The following ASTN2 variants were observed in gnomAD, a reference collection of about 807,000 sequenced individuals.
ASTN2 encodes the protein astrotactin-2.
Under a neutral mutation model 139.8 loss-of-function variants are expected in ASTN2, and 54 were observed. The observed-to-expected ratio is 0.39, with a 90% confidence interval of 0.31 to 0.48. ASTN2 has a LOEUF of 0.48. Ranked by LOEUF, ASTN2 falls within the 20% of genes least tolerant of loss-of-function variation. The probability of loss-of-function intolerance (pLI) is 0.95; values close to 1 mark genes in which losing one functional copy is unlikely to be tolerated. For synonymous variants in ASTN2, 756 were observed against 719.5 expected, an observed-to-expected ratio of 1.05 and a Z score of -0.81; for missense variants, 1,565 against 1,725.1, an observed-to-expected ratio of 0.91 and a Z score of 1.64.
chr9:116,494,990 GCTC>G (rs1849625772), intron 19 of ASTN2, among the ~76,000 whole-genome samples: 1 of 152,160 alleles, frequency 6.6e-6, no homozygotes, highest in Non-Finnish European at 1.5e-5. Flanking sequence ...GCCTGGATCT[GCTC>G]CTATTTACTC....
At chr9:117,342,471 T>C (rs1797699283) in intron 1 of ASTN2, among the ~76,000 whole-genome samples, 1 of 152,216 alleles carries the variant, frequency 6.6e-6, no homozygotes, top group African/African-American at 2.4e-5. Flanking sequence ...TTTCCCAAAG[T>C]GAGTCCTGCC....
At chr9:117,026,176 G>T (rs1838074159) in intron 6 of ASTN2, among the ~76,000 whole-genome samples, 1 of 151,984 alleles carries the variant, frequency 6.6e-6, no homozygotes, top group African/African-American at 2.4e-5. Flanking sequence ...ACATCGGGAT[G>T]CTGGTGCTTC....
At chr9:116,428,108 C>T (rs941572320) in intron 22 of ASTN2, among the ~76,000 whole-genome samples, 8 of 152,276 alleles carry the variant, frequency 5.3e-5, no homozygotes, top group East Asian at 3.9e-4. Flanking sequence ...AAAGAAGTCA[C>T]GAGAGCTGTG....
chr9:116,861,514 G>A (rs1425336023), intron 11 of ASTN2, among the ~76,000 whole-genome samples: 1 of 152,142 alleles, frequency 6.6e-6, no homozygotes, highest in Non-Finnish European at 1.5e-5. Context: ...TATATGAAGG[G>A]TTAGGTTTCA....
In ASTN2 at chr9:117,110,004, C is replaced by A. The variant is rs4838205; in HGVS notation, c.1169-13853G>T. On this transcript the variant is annotated intron_variant, in intron 4 of 22. Coordinates refer to ENST00000313400, the MANE Select transcript of ASTN2 (RefSeq NM_001365068.1). ...ATTTTTCAGAATCTTCTCTGAAATA[C>A]GCCTATTTCACGTTGGAATCTGCTG... Among the ~76,000 whole-genome samples, 647 of 152,126 alleles carry A rather than the reference C, an allele frequency of 4.3e-3. 6 individuals carry two copies. The highest frequency in any genetic ancestry group is 0.015 in the African/African-American group (621 of 41,504).
chr9:117,084,311 A>C (rs1828506098), intron 5 of ASTN2, among the ~76,000 whole-genome samples: 1 of 152,192 alleles, frequency 6.6e-6, no homozygotes, highest in Non-Finnish European at 1.5e-5. Context: ...AGCCTGTATA[A>C]ACTACCAGAA....
chr9:117,254,579 G>C (rs1296442324), intron 2 of ASTN2, among the ~76,000 whole-genome samples: 1 of 152,044 alleles, frequency 6.6e-6, no homozygotes, highest in Admixed American at 6.5e-5. Flanking sequence ...AATAAAACAG[G>C]GGCACAGTTG....
At chr9:116,702,312 T>C (rs1370473844) in intron 16 of ASTN2, among the ~76,000 whole-genome samples, 1 of 152,066 alleles carries the variant, frequency 6.6e-6, no homozygotes, top group Non-Finnish European at 1.5e-5. Context: ...AAAGAGCACC[T>C]GATGGTGGGA....
At chr9:116,458,874 C>T (rs935552763) in intron 20 of ASTN2, among the ~76,000 whole-genome samples, 9 of 151,860 alleles carry the variant, frequency 5.9e-5, no homozygotes, top group Admixed American at 1.3e-4. Context: ...TTAAAATATC[C>T]GATGATTTGT....
At chr9:116,621,449 A>ATG (rs1264622417) in intron 17 of ASTN2, among the ~76,000 whole-genome samples, 1 of 151,870 alleles carries the variant, frequency 6.6e-6, no homozygotes, top group African/African-American at 2.4e-5. Flanking sequence ...ACGCACACAC[A>ATG]CACACACACA....
chr9:116,706,313 T>G (rs1827987867), intron 16 of ASTN2, among the ~76,000 whole-genome samples: 1 of 152,194 alleles, frequency 6.6e-6, no homozygotes, highest in Non-Finnish European at 1.5e-5. Context: ...ACTCATTTGT[T>G]GATGTCTGAC....
At chr9:116,720,332 T>G (rs188874319) in intron 16 of ASTN2, among the ~76,000 whole-genome samples, 1 of 152,306 alleles carries the variant, frequency 6.6e-6, no homozygotes, top group East Asian at 1.9e-4. Context: ...GTGGGGACAT[T>G]TCTATACCAT....
At chr9:116,548,479 T>TG (rs1852201014) in intron 19 of ASTN2, among the ~76,000 whole-genome samples, 1 of 151,900 alleles carries the variant, frequency 6.6e-6, no homozygotes, top group South Asian at 2.1e-4. Context: ...TTGTTGTTGT[T>TG]TTGATTTTTT....
intron 7 of ASTN2, among the ~76,000 whole-genome samples, chr9:116,985,510 A>G (rs918876526): frequency 2.0e-5 from 3 of 152,328 alleles, no homozygotes; most frequent in Non-Finnish European, 2.9e-5. Context: ...CCAGGTTCTC[A>G]GCCAGGGTAA....
chr9:116,523,141 T>G (rs1850949231), intron 19 of ASTN2, among the ~76,000 whole-genome samples: 1 of 151,764 alleles, frequency 6.6e-6, no homozygotes, highest in Non-Finnish European at 1.5e-5. Flanking sequence ...TAACTATTAT[T>G]AAGATAAAGC....
intron 5 of ASTN2, among the ~76,000 whole-genome samples, chr9:117,088,850 G>A (rs554570035): frequency 2.0e-4 from 31 of 152,306 alleles, no homozygotes; most frequent in African/African-American, 7.2e-4. Flanking sequence ...ATACAGCACA[G>A]AGCTGGGCTG....
Position 116,975,276 on chromosome 9 carries a change from C to A in ASTN2, c.1821G>T (p.Glu607Asp). Reference sequence around the variant, plus strand: ...AGCTGGCCAGGGGGTTGATGGACAGCTCCACAGGCGGAACCACAAAGCTTT... The same window carrying A: ...AGCTGGCCAGGGGGTTGATGGACAGATCCACAGGCGGAACCACAAAGCTTT... ...VSKSFVVPPV[E>D]LSINPLASCK... Residue 607 changes from glutamate (E) to aspartate (D), a missense_variant, in exon 10 of 23, where the codon GAG becomes GAT. Physicochemically the swap from Glu to Asp is conservative, Grantham distance 45. Coordinates refer to ENST00000313400, the MANE Select transcript of ASTN2 (RefSeq NM_001365068.1). 1.9e-6 allele frequency: 3 copies of A among 1,613,484 alleles called. No homozygotes were observed. The highest frequency in any genetic ancestry group is 2.5e-6 in the Non-Finnish European group (3 of 1,179,712).
chr9:116,719,469 G>A (rs995450160), intron 16 of ASTN2, among the ~76,000 whole-genome samples: 1 of 152,132 alleles, frequency 6.6e-6, no homozygotes, highest in African/African-American at 2.4e-5. Flanking sequence ...TCTTGAGAGA[G>A]GGTGTTGAGA....
At chr9:116,890,795 T>G (rs958077828) in intron 10 of ASTN2, among the ~76,000 whole-genome samples, 1 of 151,968 alleles carries the variant, frequency 6.6e-6, no homozygotes, top group African/African-American at 2.4e-5. Context: ...TTTTCCAGGC[T>G]GGTAAGTGGC....
Sources: gnomAD v4.1 joint callset for allele counts (sites outside exome capture counted in the v4.1 genomes callset) on GRCh38, gnomAD v4.1.1 for gene constraint, MANE v1.5 for transcripts, NCBI Gene and HGNC (gene_info 2026-07-23, HGNC 2026-07-21) for gene names.